The following PGM5 variants were observed in gnomAD, a reference collection of about 807,000 sequenced individuals.
PGM5 encodes phosphoglucomutase 5.
A neutral mutation model predicts 59.2 loss-of-function variants in PGM5; 23 were observed. The ratio of observed to expected loss-of-function variants is 0.39; its 90% CI spans 0.28 to 0.55. The LOEUF (loss-of-function observed/expected upper bound fraction) is 0.55, where lower values mean the gene tolerates loss of function less well. Among genes scored for constraint, PGM5 ranks in the 20% least tolerant of loss-of-function variants. The pLI is 0.66. For missense variants in PGM5, 574 were observed against 748.3 expected, an observed-to-expected ratio of 0.77 and a Z score of 2.72; for synonymous variants, 214 against 286.0, an observed-to-expected ratio of 0.75 and a Z score of 2.54.
At chr9:68,501,008 C>T (rs1433061821) in intron 10 of PGM5, among the ~76,000 whole-genome samples, 2 of 151,916 alleles carry the variant, frequency 1.3e-5, no homozygotes, top group African/African-American at 4.8e-5. Context: ...AAGTCTCCAT[C>T]AGCCTACTCT....
chr9:68,420,283 G>A (rs939998565), intron 6 of PGM5, among the ~76,000 whole-genome samples: 1 of 152,130 alleles, frequency 6.6e-6, no homozygotes, highest in Non-Finnish European at 1.5e-5. Flanking sequence ...TGGAGGAGTA[G>A]TCAGAAGTAG....
At chr9:68,482,084 TG>T (rs2132091561) in intron 8 of PGM5, among the ~76,000 whole-genome samples, 1 of 152,304 alleles carries the variant, frequency 6.6e-6, no homozygotes, top group East Asian at 1.9e-4. Flanking sequence ...TTGTTATTGG[TG>T]GTGATCAGAC....
chr9:68,418,605 T>C (rs1203110253), intron 6 of PGM5, among the ~76,000 whole-genome samples: 1 of 152,062 alleles, frequency 6.6e-6, no homozygotes, highest in Non-Finnish European at 1.5e-5. Flanking sequence ...AGCCTTCCCC[T>C]GTGTTTCTCA....
At position 68,356,787 on chromosome 9, in the gene PGM5, G is replaced by A. The variant is rs529669778; in HGVS notation, c.-341G>A. ...GGCGTCACCGGGGTCGGGCTAGCAG[G>A]CCCTGGAATCAGGCTTTTGGGACAC... is the stretch of plus-strand genomic sequence containing the variant. On this transcript the variant is annotated 5_prime_UTR_variant, in exon 1 of 11. Transcript: ENST00000396396. 3.4e-4 allele frequency: 83 copies of A among 241,126 alleles called. No individual in the cohort carries two copies. Among genetic ancestry groups the A allele is most frequent in the African/African-American group, 1.7e-3 (75 of 44,226 alleles). 14.9% of individuals were successfully genotyped at this position (241,126 alleles called of 1,614,324 possible).
At chr9:68,495,424 C>T (rs1237023764) in intron 9 of PGM5, among the ~76,000 whole-genome samples, 5 of 152,070 alleles carry the variant, frequency 3.3e-5, no homozygotes, top group Non-Finnish European at 7.4e-5. Flanking sequence ...TGGTTAGTTA[C>T]AAAGTTCTTA....
intron 9 of PGM5, among the ~76,000 whole-genome samples, chr9:68,490,562 T>C (rs376439070): frequency 1.3e-5 from 2 of 152,024 alleles, no homozygotes; most frequent in African/African-American, 4.8e-5. Context: ...ACCATGTTGG[T>C]CAGGCTAGTC....
intron 1 of PGM5, among the ~76,000 whole-genome samples, chr9:68,376,869 T>TTTTC (rs1821927927): frequency 7.0e-6 from 1 of 141,910 alleles, no homozygotes; most frequent in Non-Finnish European, 1.5e-5. Flanking sequence ...TTCTTTTTTC[T>TTTTC]TTCTCTTTCT....
At chr9:68,357,629 C>G (rs1554675876) in intron 1 of PGM5, 2 of 619,748 alleles carry the variant, frequency 3.2e-6, no homozygotes, top group African/African-American at 1.9e-5. Flanking sequence ...GAGGGGTTTC[C>G]GTCGTTCCTG....
chr9:68,455,348 TATTGTCCAAA>T (rs1373946720), intron 6 of PGM5, among the ~76,000 whole-genome samples: 1 of 152,056 alleles, frequency 6.6e-6, no homozygotes, highest in Non-Finnish European at 1.5e-5. Context: ...GATATTAATC[TATTGTCCAAA>T]AAACAGGAAC....
intron 10 of PGM5, among the ~76,000 whole-genome samples, chr9:68,501,781 C>T (rs1314506911): frequency 6.6e-6 from 1 of 152,232 alleles, no homozygotes; most frequent in Non-Finnish European, 1.5e-5. Context: ...ACAGAGAGTT[C>T]CCTTCAACTG....
chr9:68,505,726 T>C (rs577625341), intron 10 of PGM5, among the ~76,000 whole-genome samples: 1 of 152,330 alleles, frequency 6.6e-6, no homozygotes, highest in Admixed American at 6.5e-5. Flanking sequence ...TTCACCAGCC[T>C]GGAAGCTCTT....
intron 6 of PGM5, among the ~76,000 whole-genome samples, chr9:68,407,403 G>A (rs1378270950): frequency 2.6e-5 from 4 of 152,206 alleles, no homozygotes; most frequent in Non-Finnish European, 4.4e-5. Flanking sequence ...AAAGTGCTGG[G>A]ATTATAGGCG....
chr9:68,445,732 C>T (rs1292315494), intron 6 of PGM5, among the ~76,000 whole-genome samples: 1 of 152,316 alleles, frequency 6.6e-6, no homozygotes, highest in Non-Finnish European at 1.5e-5. Flanking sequence ...TGTATTTGGG[C>T]TCAGCAGTGC....
chr9:68,432,315 T>C (rs1283250563), intron 6 of PGM5, among the ~76,000 whole-genome samples: 3 of 151,866 alleles, frequency 2.0e-5, no homozygotes, highest in Admixed American at 1.3e-4. Flanking sequence ...TTCTCCTGTC[T>C]CAGCAACCCA....
chr9:68,460,287 T>G (rs1823839185), intron 6 of PGM5, among the ~76,000 whole-genome samples: 1 of 152,210 alleles, frequency 6.6e-6, no homozygotes, highest in Admixed American at 6.5e-5. Context: ...TTTGAATACC[T>G]ACTATGAGCA....
At chr9:68,398,771 A>G (rs149148245) in intron 6 of PGM5, 35 of 152,260 alleles carry the variant, frequency 2.3e-4, no homozygotes, top group African/African-American at 7.7e-4. Flanking sequence ...AAATGGCACA[A>G]TGGCCCATCT....
intron 1 of PGM5, among the ~76,000 whole-genome samples, chr9:68,360,069 T>A (rs1834548896): frequency 6.6e-6 from 1 of 152,078 alleles, no homozygotes; most frequent in Admixed American, 6.6e-5. Context: ...AGTCTCAAAC[T>A]CCTGATCTCA....
intron 6 of PGM5, among the ~76,000 whole-genome samples, chr9:68,423,295 T>C (rs915412271): frequency 9.8e-5 from 15 of 152,370 alleles, no homozygotes; most frequent in African/African-American, 3.4e-4. Context: ...TTAAGGAATC[T>C]CCACACTGTT....
Position 68,462,009 on chromosome 9 carries a change from T to C in PGM5, c.1044-3084T>C, listed in dbSNP as rs192475220. Among the ~76,000 whole-genome samples, 243 of 152,200 alleles carry C rather than the reference T, an allele frequency of 1.6e-3. 1 individual carries two copies. Among genetic ancestry groups the C allele is most frequent in the African/African-American group, 5.5e-3 (227 of 41,524 alleles). On this transcript the variant is annotated intron_variant, in intron 6 of 10. Transcript: ENST00000396396. Reference sequence around the variant, plus strand: ...GCAGCATAGAATACATAGGGAGTAGTGTGGGAGAAACTGTTGGAAAGCTAG... The same window carrying C: ...GCAGCATAGAATACATAGGGAGTAGCGTGGGAGAAACTGTTGGAAAGCTAG...
Sources: allele counts gnomAD v4.1 joint callset (sites outside exome capture counted in the v4.1 genomes callset), GRCh38; gene constraint gnomAD v4.1.1; transcripts MANE v1.5; gene names NCBI Gene and HGNC (gene_info 2026-07-23, HGNC 2026-07-21).